CEP112: variants seen among roughly 807,000 people sequenced by gnomAD.
The protein encoded by CEP112 is centrosomal protein 112.
CEP112 carries 127 observed loss-of-function variants against 153.0 expected under a neutral mutation model. The observed-to-expected ratio is 0.83, with a 90% CI of 0.72 to 0.96. The LOEUF (loss-of-function observed/expected upper bound fraction) is 0.96. Among genes scored for constraint, CEP112 ranks in the 40% least tolerant of loss-of-function variants. The probability of loss-of-function intolerance (pLI) is 0.00; values close to 1 mark genes in which losing one functional copy is unlikely to be tolerated. For synonymous variants in CEP112, 358 were observed against 374.4 expected, an observed-to-expected ratio of 0.96 and a Z score of 0.51; for missense variants, 1,089 against 1,101.2, an observed-to-expected ratio of 0.99 and a Z score of 0.16.
At chr17:66,105,618 AC>A (rs1336072967) in intron 6 of CEP112, among the ~76,000 whole-genome samples, 4 of 151,978 alleles carry the variant, frequency 2.6e-5, no homozygotes, top group Middle Eastern at 3.4e-3. Context: ...ACATTGTAAA[AC>A]CCCGTCTTCA....
chr17:65,724,079 A>G (rs894333057), intron 23 of CEP112, among the ~76,000 whole-genome samples: 5 of 152,202 alleles, frequency 3.3e-5, no homozygotes, highest in African/African-American at 1.2e-4. Context: ...CTTTTTTTTA[A>G]TTCCACTTTT....
intron 6 of CEP112, among the ~76,000 whole-genome samples, chr17:66,098,863 C>A (rs531491215): frequency 1.6e-4 from 25 of 152,234 alleles, no homozygotes; most frequent in African/African-American, 6.0e-4. Flanking sequence ...GATACCAAAT[C>A]AGCAGAATTA....
At chr17:65,762,964 T>C (rs1339108435) in intron 21 of CEP112, among the ~76,000 whole-genome samples, 1 of 152,096 alleles carries the variant, frequency 6.6e-6, no homozygotes, top group African/African-American at 2.4e-5. Flanking sequence ...ATCTAAAAAC[T>C]TCTTTTTAAC....
intron 23 of CEP112, among the ~76,000 whole-genome samples, chr17:65,694,555 G>T (rs2048271005): frequency 6.6e-6 from 1 of 152,010 alleles, no homozygotes; most frequent in Non-Finnish European, 1.5e-5. Flanking sequence ...ATTTAGAAAT[G>T]ACTTTCGTTA....
intron 11 of CEP112, among the ~76,000 whole-genome samples, chr17:66,060,844 T>C (rs1311946740): frequency 6.8e-6 from 1 of 146,900 alleles, no homozygotes; most frequent in African/African-American, 2.5e-5. Context: ...GACATAAATC[T>C]AGGCAACAAT....
chr17:66,183,547 A>G lies in CEP112; in HGVS notation c.-8-240T>C, dbSNP rs145994712. Among the ~76,000 whole-genome samples the G allele has an allele frequency of 4.9e-3, 749 of 151,808 alleles. 8 individuals carry two copies. Among genetic ancestry groups the G allele is most frequent in the African/African-American group, 0.017 (707 of 41,518 alleles). On this transcript the variant is annotated intron_variant, in intron 1 of 26. Coordinates refer to ENST00000535342, the MANE Select transcript of CEP112 (RefSeq NM_001199165.4). ...GCCCAAACAATTTTGAGAAAGTACAAAGTTGGAGAACTCACATTACCAGAT... is the reference window on the plus strand; with the variant it reads ...GCCCAAACAATTTTGAGAAAGTACAGAGTTGGAGAACTCACATTACCAGAT...
intron 11 of CEP112, among the ~76,000 whole-genome samples, chr17:66,058,498 A>AAT (rs58360005): frequency 1.3e-5 from 2 of 151,818 alleles, no homozygotes; most frequent in Non-Finnish European, 2.9e-5. Flanking sequence ...ATTAGAAAAA[A>AAT]GATTCTAAGA....
intron 18 of CEP112, among the ~76,000 whole-genome samples, chr17:65,952,844 A>T (rs7207032): frequency 0.066 from 10,036 of 152,068 alleles, 499 homozygotes; most frequent in African/African-American, 0.12. Flanking sequence ...TTGGTTTTTA[A>T]TTTGCATTTC....
At chr17:65,693,236 C>T (rs143030667) in intron 23 of CEP112, among the ~76,000 whole-genome samples, 345 of 152,232 alleles carry the variant, frequency 2.3e-3, no homozygotes, top group Admixed American at 4.3e-3. Context: ...CGGCGTCCCA[C>T]ACCCTGCCCC....
At chr17:65,664,422 G>A (rs1297413363) in intron 24 of CEP112, among the ~76,000 whole-genome samples, 1 of 152,214 alleles carries the variant, frequency 6.6e-6, no homozygotes, top group Admixed American at 6.5e-5. Flanking sequence ...GATCCAATAA[G>A]TGAGTGTGAG....
chr17:66,062,647 A>G (rs995134442), intron 11 of CEP112, among the ~76,000 whole-genome samples: 2 of 152,150 alleles, frequency 1.3e-5, no homozygotes, highest in African/African-American at 4.8e-5. Context: ...AAAATGGCTT[A>G]ATTTCCAAAA....
chr17:65,670,092 G>C (rs1207114014), intron 24 of CEP112, among the ~76,000 whole-genome samples: 1 of 151,922 alleles, frequency 6.6e-6, no homozygotes, highest in Non-Finnish European at 1.5e-5. Flanking sequence ...TGCTGAATAA[G>C]TGCCTTCTCT....
intron 23 of CEP112, among the ~76,000 whole-genome samples, chr17:65,740,653 C>G (rs2051075966): frequency 1.3e-5 from 2 of 152,162 alleles, no homozygotes; most frequent in African/African-American, 4.8e-5. Context: ...GAGGTCAGTT[C>G]ATCATCAACC....
chr17:66,100,870 A>G (rs1186698751), intron 6 of CEP112, among the ~76,000 whole-genome samples: 1 of 152,148 alleles, frequency 6.6e-6, no homozygotes, highest in African/African-American at 2.4e-5. Context: ...TTTATATTGT[A>G]TTAGGTACTA....
At position 65,847,105 on chromosome 17, in the gene CEP112, G is replaced by A. The variant is rs946662459; in HGVS notation, c.2394+4699C>T. ...CAACTGGACAAAAACCGAACTCATCGCACTCAACACCAGCCTATGTAAAAG... is the reference window on the plus strand; with the variant it reads ...CAACTGGACAAAAACCGAACTCATCACACTCAACACCAGCCTATGTAAAAG... On this transcript the variant is annotated intron_variant, in intron 21 of 26. Transcript: ENST00000535342. 4.5e-4 allele frequency among the ~76,000 whole-genome samples: 68 copies of A among 152,090 alleles called. 1 individual carries two copies. The highest frequency in any genetic ancestry group is 1.6e-4 in the Non-Finnish European group (11 of 68,016).
At chr17:66,177,153 T>C (rs1054848623) in intron 2 of CEP112, 133 bp from the exon 3 acceptor site, 9 of 667,382 alleles carry the variant, frequency 1.3e-5, no homozygotes, top group Non-Finnish European at 1.9e-5. Flanking sequence ...GGCCAGAGAG[T>C]ATATACTTTA....
At chr17:65,911,332 T>A (rs560238707) in intron 19 of CEP112, among the ~76,000 whole-genome samples, 7 of 152,334 alleles carry the variant, frequency 4.6e-5, no homozygotes, top group African/African-American at 1.7e-4. Context: ...TAAATAATAC[T>A]ATGGTTGACA....
At chr17:66,019,704 A>G (rs28455913) in intron 16 of CEP112, among the ~76,000 whole-genome samples, 8,324 of 152,288 alleles carry the variant, frequency 0.055, 304 homozygotes, top group South Asian at 0.11. Flanking sequence ...CGTTATTAAA[A>G]AGCTAGGCCA....
chr17:66,005,509 T>TAA (rs145866371), intron 17 of CEP112, among the ~76,000 whole-genome samples, 181 bp downstream of exon 17: 23 of 151,804 alleles, frequency 1.5e-4, no homozygotes, highest in Admixed American at 5.9e-4. Context: ...ATTTTTCTTT[T>TAA]AAAAAAAATT....
Sources: gnomAD v4.1 joint callset for allele counts (sites outside exome capture counted in the v4.1 genomes callset) on GRCh38, gnomAD v4.1.1 for gene constraint, MANE v1.5 for transcripts, NCBI Gene and HGNC (gene_info 2026-07-23, HGNC 2026-07-21) for gene names.